Variants in MGAT4C observed in about 807,000 individuals in gnomAD.
MGAT4C encodes MGAT4 family member C.
In MGAT4C, 19 loss-of-function variants were observed where a neutral mutation model predicts 40.1. That is an observed-to-expected ratio of 0.47 (90% CI 0.33 to 0.70). The LOEUF (loss-of-function observed/expected upper bound fraction) is 0.70. MGAT4C is among the 30% of genes least tolerant of loss of function. The probability of loss-of-function intolerance (pLI) is 0.02; values close to 1 mark genes in which losing one functional copy is unlikely to be tolerated. For synonymous variants in MGAT4C, 181 were observed against 187.1 expected, an observed-to-expected ratio of 0.97 and a Z score of 0.27; for missense variants, 491 against 563.2, an observed-to-expected ratio of 0.87 and a Z score of 1.30.
chr12:86,561,852 A>C (rs950743182), intron 2 of MGAT4C, among the ~76,000 whole-genome samples: 1 of 152,172 alleles, frequency 6.6e-6, no homozygotes, highest in Non-Finnish European at 1.5e-5. Flanking sequence ...GGATTTCTTT[A>C]GTTGCTTTGG....
chr12:86,345,911 A>G (rs889340498), intron 3 of MGAT4C, among the ~76,000 whole-genome samples: 36 of 152,126 alleles, frequency 2.4e-4, no homozygotes, highest in Admixed American at 1.0e-3. Context: ...CCTCTCCAGC[A>G]CCTGTTGTTT....
At chr12:86,548,268 G>T (rs921560361) in intron 2 of MGAT4C, among the ~76,000 whole-genome samples, 1 of 152,116 alleles carries the variant, frequency 6.6e-6, no homozygotes, top group Non-Finnish European at 1.5e-5. Flanking sequence ...CACACTGGGA[G>T]GGCATTTTTC....
intron 1 of MGAT4C, among the ~76,000 whole-genome samples, chr12:86,205,997 T>G (rs973824436): frequency 2.6e-5 from 4 of 151,994 alleles, no homozygotes; most frequent in African/African-American, 4.8e-5. Context: ...CCATTTAGAT[T>G]ATGTGGGCAG....
At chr12:86,126,589 C>T (rs1273502605) in intron 1 of MGAT4C, among the ~76,000 whole-genome samples, 1 of 152,104 alleles carries the variant, frequency 6.6e-6, no homozygotes, top group Admixed American at 6.5e-5. Flanking sequence ...CAAACAAAAA[C>T]TTCAAATACT....
intron 1 of MGAT4C, among the ~76,000 whole-genome samples, chr12:86,758,671 T>C (rs1031551739): frequency 5.3e-5 from 8 of 152,052 alleles, no homozygotes; most frequent in Non-Finnish European, 8.8e-5. Context: ...CAAATGAATA[T>C]AGTGAGTCAT....
At chr12:86,285,327 A>G (rs1953326557) in intron 4 of MGAT4C, among the ~76,000 whole-genome samples, 1 of 152,074 alleles carries the variant, frequency 6.6e-6, no homozygotes, top group African/African-American at 2.4e-5. Context: ...GTTAAGCTTC[A>G]TAAGAGCAGG....
At chr12:86,114,584 G>C (rs932150734) in intron 1 of MGAT4C, among the ~76,000 whole-genome samples, 2 of 151,578 alleles carry the variant, frequency 1.3e-5, no homozygotes, top group African/African-American at 4.8e-5. Flanking sequence ...TAGACAGTAT[G>C]TTAAATGCTT....
intron 4 of MGAT4C, among the ~76,000 whole-genome samples, chr12:86,311,594 G>C (rs1954075074): frequency 6.6e-6 from 1 of 152,106 alleles, no homozygotes; most frequent in Non-Finnish European, 1.5e-5. Flanking sequence ...GGCTTCATGG[G>C]TATGGCATCA....
intron 2 of MGAT4C, among the ~76,000 whole-genome samples, chr12:86,674,138 G>A (rs977807860): frequency 6.6e-6 from 1 of 152,074 alleles, no homozygotes; most frequent in African/African-American, 2.4e-5. Context: ...GAGAGATTAT[G>A]TATAAAATGC....
chr12:86,491,562 A>G (rs1958136079), intron 2 of MGAT4C, among the ~76,000 whole-genome samples: 1 of 152,134 alleles, frequency 6.6e-6, no homozygotes, highest in South Asian at 2.1e-4. Flanking sequence ...TTATCTCAAT[A>G]GATGCAGAAC....
chr12:86,687,702 CTG>C (rs1565926113), intron 2 of MGAT4C, among the ~76,000 whole-genome samples: 1 of 151,244 alleles, frequency 6.6e-6, no homozygotes, highest in East Asian at 1.9e-4. Flanking sequence ...GTCTGAGAGA[CTG>C]TTATGATTTC....
chr12:86,224,445 C>T (rs1489601336), intron 1 of MGAT4C, among the ~76,000 whole-genome samples: 2 of 151,990 alleles, frequency 1.3e-5, no homozygotes, highest in Non-Finnish European at 2.9e-5. Context: ...GGCTCTAGAC[C>T]AAATGGATGT....
chr12:85,980,892 T>C (rs963339301), intron 4 of MGAT4C, among the ~76,000 whole-genome samples: 4 of 152,088 alleles, frequency 2.6e-5, no homozygotes, highest in African/African-American at 9.7e-5. Flanking sequence ...TTTCAAATGA[T>C]ACAAAAGAAA....
At chr12:86,216,088 C>G (rs530624975) in intron 1 of MGAT4C, among the ~76,000 whole-genome samples, 4 of 152,138 alleles carry the variant, frequency 2.6e-5, no homozygotes, top group African/African-American at 9.6e-5. Flanking sequence ...ACTAGGACTC[C>G]ATTTTCTGGG....
chr12:86,038,070 G>A lies in MGAT4C; in HGVS notation c.-7+11604C>T, dbSNP rs1377406359. ...GGAGGCTGTGAAGGCCCTGAGCTCT[G>A]GAAGCCCACACTTTTTATTGGTGAT... On this transcript the variant is annotated intron_variant, in intron 2 of 4. Transcript: ENST00000611864. 3.3e-5 allele frequency among the ~76,000 whole-genome samples: 5 copies of A among 149,650 alleles called. 1 individual carries two copies. The highest frequency in any genetic ancestry group is 1.2e-4 in the African/African-American group (5 of 41,224).
intron 2 of MGAT4C, among the ~76,000 whole-genome samples, chr12:86,624,183 G>A (rs188146413): frequency 6.6e-6 from 1 of 152,210 alleles, no homozygotes; most frequent in Admixed American, 6.5e-5. Context: ...TGAGGCAAGG[G>A]CCTACCCACA....
chr12:86,613,437 T>G (rs1962349639), intron 2 of MGAT4C, among the ~76,000 whole-genome samples: 1 of 152,174 alleles, frequency 6.6e-6, no homozygotes, highest in Non-Finnish European at 1.5e-5. Context: ...TGGGACTTAA[T>G]TAGTCAGGAA....
chr12:86,619,275 T>C (rs1168005818), intron 2 of MGAT4C, among the ~76,000 whole-genome samples: 1 of 152,072 alleles, frequency 6.6e-6, no homozygotes, highest in Admixed American at 6.6e-5. Context: ...AATTTTCCCT[T>C]TTAAACTTTC....
intron 2 of MGAT4C, among the ~76,000 whole-genome samples, chr12:86,691,841 G>C (rs1289868402): frequency 3.3e-5 from 5 of 151,902 alleles, no homozygotes; most frequent in Non-Finnish European, 7.4e-5. Flanking sequence ...CTAGATAATA[G>C]AGTGATTATA....
Sources: gnomAD v4.1 joint callset for allele counts (sites outside exome capture counted in the v4.1 genomes callset) on GRCh38, gnomAD v4.1.1 for gene constraint, MANE v1.5 for transcripts, NCBI Gene and HGNC (gene_info 2026-07-23, HGNC 2026-07-21) for gene names.